The following UNC5D variants were observed in gnomAD, a reference collection of about 807,000 sequenced individuals.
UNC5D encodes netrin receptor UNC5D.
In UNC5D, 39 loss-of-function variants were observed where a neutral mutation model predicts 105.4. The observed-to-expected ratio is 0.37, with a 90% confidence interval of 0.29 to 0.48. The LOEUF is 0.48. Ranked by LOEUF, UNC5D falls within the 20% of genes least tolerant of loss-of-function variation. The pLI is 0.98. For synonymous variants in UNC5D, 452 were observed against 450.4 expected (o/e 1.00, Z -0.04); for missense variants, 991 against 1,202.4 (o/e 0.82, Z 2.60).
At chr8:35,359,649 G>A (rs577356483) in intron 1 of UNC5D, among the ~76,000 whole-genome samples, 6 of 152,202 alleles carry the variant, frequency 3.9e-5, no homozygotes, top group East Asian at 3.9e-4. Flanking sequence ...CCTGTATTAC[G>A]TCTTATATAT....
At chr8:35,251,368 G>T (rs922954403) in intron 1 of UNC5D, among the ~76,000 whole-genome samples, 1 of 152,086 alleles carries the variant, frequency 6.6e-6, no homozygotes, top group Admixed American at 6.6e-5. Flanking sequence ...GAGAACTTTC[G>T]TGAGAACCAC....
intron 4 of UNC5D, among the ~76,000 whole-genome samples, chr8:35,671,786 A>ATAAG (rs1352502953): frequency 6.6e-6 from 1 of 152,164 alleles, no homozygotes; most frequent in Non-Finnish European, 1.5e-5. Flanking sequence ...TAGAAGATGA[A>ATAAG]TAAGTGTAGA....
At chr8:35,487,105 G>GA (rs1563464467) in intron 1 of UNC5D, among the ~76,000 whole-genome samples, 1 of 152,118 alleles carries the variant, frequency 6.6e-6, no homozygotes, top group Non-Finnish European at 1.5e-5. Context: ...TACTTACGAG[G>GA]AAAAAATCCT....
intron 1 of UNC5D, among the ~76,000 whole-genome samples, chr8:35,416,795 G>T (rs1456764873): frequency 6.6e-6 from 1 of 152,112 alleles, no homozygotes; most frequent in Non-Finnish European, 1.5e-5. Flanking sequence ...TAATCTGAAA[G>T]GAAGCCAGTA....
chr8:35,442,857 ATCTCTCTC>A (rs138221035), intron 1 of UNC5D, among the ~76,000 whole-genome samples: 5 of 106,900 alleles, frequency 4.7e-5, no homozygotes, highest in South Asian at 3.0e-4. Flanking sequence ...TTCTTACACC[ATCTCTCTC>A]TCTCTCTCTC....
intron 3 of UNC5D, among the ~76,000 whole-genome samples, chr8:35,587,872 T>A (rs190370586): frequency 6.6e-6 from 1 of 150,388 alleles, no homozygotes; most frequent in Admixed American, 6.7e-5. Context: ...CAGAAACAGA[T>A]AAAGGAGATA....
At position 35,787,204 on chromosome 8, in the gene UNC5D, C is replaced by T. The variant is rs77719065; in HGVS notation, c.2658-3155C>T. On this transcript the variant is annotated intron_variant, in intron 16 of 16. Coordinates refer to ENST00000404895, the MANE Select transcript of UNC5D (RefSeq NM_080872.4). ...GTTAACTTTTAAGGTAGTAGGCTCA[C>T]AAAGATTCTAGTCATTCCCATAGGG... Among the ~76,000 whole-genome samples, 819 of 152,224 alleles carry T rather than the reference C, an allele frequency of 5.4e-3. 12 individuals carry two copies. The highest frequency in any genetic ancestry group is 0.019 in the African/African-American group (789 of 41,534).
chr8:35,246,980 T>C (rs963952330), intron 1 of UNC5D, among the ~76,000 whole-genome samples: 2 of 152,016 alleles, frequency 1.3e-5, no homozygotes, highest in South Asian at 4.1e-4. Flanking sequence ...CAGGCCAAAG[T>C]CCAAATTTGT....
chr8:35,792,553 A>T lies in UNC5D; in HGVS notation c.*1990A>T, dbSNP rs1230135025. 1 of 156,892 alleles carries T rather than the reference A, an allele frequency of 6.4e-6. No homozygotes were observed. Among genetic ancestry groups the T allele is most frequent in the Non-Finnish European group, 1.4e-5 (1 of 71,438 alleles). 9.7% of individuals were successfully genotyped at this position (156,892 alleles called of 1,614,324 possible). A position where few individuals can be genotyped will look rare whatever the true frequency, so the allele number is the denominator to read the frequency against. ...TTCTAGGAAACAATAGATAAACAGC[A>T]TGAAAATGTAAATCATCTGGCATCA... On this transcript the variant is annotated 3_prime_UTR_variant, in exon 17 of 17. Coordinates refer to ENST00000404895, the MANE Select transcript of UNC5D (RefSeq NM_080872.4).
chr8:35,788,290 G>A (rs939552019), intron 16 of UNC5D, among the ~76,000 whole-genome samples: 3 of 151,996 alleles, frequency 2.0e-5, no homozygotes, highest in African/African-American at 4.8e-5. Context: ...TACATCAGTC[G>A]TCTTTGTGAC....
At chr8:35,425,715 C>T (rs1159837183) in intron 1 of UNC5D, among the ~76,000 whole-genome samples, 1 of 152,124 alleles carries the variant, frequency 6.6e-6, no homozygotes, top group Non-Finnish European at 1.5e-5. Flanking sequence ...GCCAGTTCTA[C>T]CCTGCTCTGC....
chr8:35,779,302 C>T (rs1217049615), intron 16 of UNC5D, among the ~76,000 whole-genome samples: 7 of 152,132 alleles, frequency 4.6e-5, no homozygotes, highest in African/African-American at 1.7e-4. Flanking sequence ...AGTGTTCCCC[C>T]ATATCTAAAC....
At chr8:35,410,490 T>C (rs1805095188) in intron 1 of UNC5D, among the ~76,000 whole-genome samples, 1 of 152,082 alleles carries the variant, frequency 6.6e-6, no homozygotes, top group African/African-American at 2.4e-5. Context: ...CCCTCCTCCT[T>C]TCTCATTTAA....
intron 1 of UNC5D, among the ~76,000 whole-genome samples, chr8:35,329,400 G>GATATAT (rs36221011): frequency 3.6e-4 from 53 of 147,384 alleles, no homozygotes; most frequent in Non-Finnish European, 5.4e-4. Context: ...TTATTGGGTT[G>GATATAT]ATATATATAT....
rs138526220 is a variant in UNC5D at position 35,350,873 on chromosome 8, G to A, written c.103+114986G>A. ...GGCCATCAAGTGCTTGCAGATTGTT[G>A]CCGTTTTTGTTGTTTTCAGCACAAT... On this transcript the variant is annotated intron_variant, in intron 1 of 16. Transcript: ENST00000404895. 2.2e-3 allele frequency among the ~76,000 whole-genome samples: 336 copies of A among 152,016 alleles called. 2 individuals carry two copies. Among genetic ancestry groups the A allele is most frequent in the African/African-American group, 7.9e-3 (327 of 41,500 alleles).
intron 3 of UNC5D, among the ~76,000 whole-genome samples, chr8:35,569,698 A>T (rs1817592654): frequency 6.6e-6 from 1 of 152,188 alleles, no homozygotes; most frequent in African/African-American, 2.4e-5. Flanking sequence ...AGGCCAGCTG[A>T]GAGAGAGAAT....
At chr8:35,652,906 C>T (rs377148030) in intron 4 of UNC5D, among the ~76,000 whole-genome samples, 18 of 132,424 alleles carry the variant, frequency 1.4e-4, no homozygotes, top group African/African-American at 4.8e-4. Context: ...ATTTTCACTA[C>T]AAGTGAGGAT....
intron 1 of UNC5D, among the ~76,000 whole-genome samples, chr8:35,511,742 TA>T (rs113992530): frequency 0.09 from 11,974 of 133,188 alleles, 1,604 homozygotes; most frequent in African/African-American, 0.31. Flanking sequence ...AAAAAAAAAT[TA>T]AAAAAAAAAA....
At chr8:35,259,491 G>T (rs1804298456) in intron 1 of UNC5D, among the ~76,000 whole-genome samples, 1 of 152,136 alleles carries the variant, frequency 6.6e-6, no homozygotes, top group South Asian at 2.1e-4. Flanking sequence ...TTATTTTCCA[G>T]CCGTGGACTC....
Sources: allele counts gnomAD v4.1 joint callset (sites outside exome capture counted in the v4.1 genomes callset), GRCh38; gene constraint gnomAD v4.1.1; transcripts MANE v1.5; gene names NCBI Gene and HGNC (gene_info 2026-07-23, HGNC 2026-07-21).